Variants in PKD1L3 observed in about 807,000 individuals in gnomAD.
The protein encoded by PKD1L3 is polycystin-1-like protein 3.
In PKD1L3, 239 loss-of-function variants were observed where a neutral mutation model predicts 184.1. That is an observed-to-expected ratio of 1.30 (90% CI 1.17 to 1.45). The LOEUF (loss-of-function observed/expected upper bound fraction) is 1.45, where lower values mean the gene tolerates loss of function less well. PKD1L3 is among the 40% of genes most tolerant of loss of function. PKD1L3 has a pLI of 0.00. For missense variants in PKD1L3, 2,660 were observed against 2,067.2 expected (o/e 1.29, Z -5.56); for synonymous variants, 996 against 778.8 (o/e 1.28, Z -4.64).
rs1419961406 is a variant in PKD1L3, at chr16:71,986,486, T to C, written c.586-17A>G. 10 of 1,542,908 alleles carry C rather than the reference T, an allele frequency of 6.5e-6. No homozygotes were observed. The highest frequency in any genetic ancestry group is 1.4e-5 in the African/African-American group (1 of 72,600). On this transcript the variant is annotated splice_polypyrimidine_tract_variant and intron_variant, in intron 4 of 29. Coordinates refer to ENST00000620267, the MANE Select transcript of PKD1L3 (RefSeq NM_181536.2). ...GGTCTTGGACTAAAAGATAAAAATATGTAAAGGAAAAGACTGAATCTGATT... is the reference window on the plus strand; with the variant it reads ...GGTCTTGGACTAAAAGATAAAAATACGTAAAGGAAAAGACTGAATCTGATT...
At position 71,935,447 on chromosome 16, in the gene PKD1L3, G is replaced by T. The variant is rs1033237628; in HGVS notation, c.4524C>A (p.Ile1508=). The T allele has an allele frequency of 2.6e-6, 4 of 1,551,922 alleles. No individual in the cohort carries two copies. The African/African-American group carries it at 5.5e-5, about 21-fold the overall frequency. Residue 1508 remains isoleucine, a synonymous_variant, in exon 26 of 30, where the codon ATC becomes ATA. Coordinates refer to ENST00000620267, the MANE Select transcript of PKD1L3 (RefSeq NM_181536.2). ...GCCCCAGGAGGATGAAGCTAATGAG[G>T]ATTATACTTGTGTCCAGAATGTTTC... is the stretch of plus-strand genomic sequence containing the variant. ...GKRNILDTSI[I]LISFILLGLD...
At chr16:71,934,782 G>C (rs976639974) in intron 26 of PKD1L3, among the ~76,000 whole-genome samples, 1 of 152,192 alleles carries the variant, frequency 6.6e-6, no homozygotes, top group Admixed American at 6.5e-5. Flanking sequence ...TTGAAACAAT[G>C]CCTCAGGAAA....
rs1194129356 is a variant in PKD1L3 at position 71,999,900 on chromosome 16, C to G, written c.79G>C (p.Ala27Pro). ...IILGSELNSPAPHGQNNCYQL... is the reference protein window; with the variant it reads ...IILGSELNSPPPHGQNNCYQL... The stretch of plus-strand genomic sequence containing the variant: ...TAACAATTATTTTGCCCATGTGGTG[C>G]TGGGCTGTTTAGCTCACTTCCTAGA... Residue 27 changes from alanine (A) to proline (P), a missense_variant, in exon 1 of 30, where the codon GCA becomes CCA. Ala to Pro is a conservative substitution (Grantham distance 27). Coordinates refer to ENST00000620267, the MANE Select transcript of PKD1L3 (RefSeq NM_181536.2). 15 of 1,551,564 alleles carry G rather than the reference C, an allele frequency of 9.7e-6. No homozygotes were observed. The highest frequency in any genetic ancestry group is 1.3e-5 in the Non-Finnish European group (15 of 1,146,924).
chr16:71,999,930 T>C lies in PKD1L3; in HGVS notation c.49A>G (p.Ile17Val). The change falls in exon 1 of 30, where the codon ATT becomes GTT. Residue 17 changes from isoleucine (I) to valine (V), a missense_variant. Transcript: ENST00000620267. ...SWLWLYIRTS[I>V]ILGSELNSPA... ...CTGTTTAGCTCACTTCCTAGAATAATACTTGTTCTGATGTATAACCAAAGC... is the reference window on the plus strand; with the variant it reads ...CTGTTTAGCTCACTTCCTAGAATAACACTTGTTCTGATGTATAACCAAAGC... 1.3e-6 allele frequency: 2 copies of C among 1,548,832 alleles called. No individual in the cohort carries two copies. The highest frequency in any genetic ancestry group is 1.7e-6 in the Non-Finnish European group (2 of 1,144,624).
rs59684427 is a variant in PKD1L3 at position 71,944,736 on chromosome 16, G to A, written c.3719-566C>T. Among the ~76,000 whole-genome samples the A allele has an allele frequency of 3.8e-3, 322 of 85,382 alleles. 9 individuals are homozygous for A. Among genetic ancestry groups the A allele is most frequent in the African/African-American group, 0.011 (281 of 24,598 alleles). 56.0% of individuals were successfully genotyped at this position (85,382 alleles called of 152,430 possible). A position where few individuals can be genotyped will look rare whatever the true frequency, so the allele number is the denominator to read the frequency against. Reference sequence around the variant, plus strand: ...TTTTTTTGAGACGGAGTCTCACTTCGTTGTCGAGGCTGGAGTGCAATGCAT... The same window carrying A: ...TTTTTTTGAGACGGAGTCTCACTTCATTGTCGAGGCTGGAGTGCAATGCAT... On this transcript the variant is annotated intron_variant, in intron 22 of 29. Coordinates refer to ENST00000620267, the MANE Select transcript of PKD1L3 (RefSeq NM_181536.2).
At chr16:71,989,370 C>G (rs550219105) in intron 4 of PKD1L3, among the ~76,000 whole-genome samples, 1 of 152,252 alleles carries the variant, frequency 6.6e-6, no homozygotes, top group African/African-American at 2.4e-5. Flanking sequence ...CCAGGCTGGT[C>G]TCGAACTCCC....
rs1014915576 is a variant in PKD1L3, at chr16:71,963,354, A to G, written c.2466-3T>C. The G allele has an allele frequency of 3.2e-6, 5 of 1,545,284 alleles. No individual in the cohort carries two copies. Among genetic ancestry groups the G allele is most frequent in the Non-Finnish European group, 4.4e-6 (5 of 1,143,760 alleles). ...AGACAATTACCTGGCTGACATACCT[A>G]TAGTAAAATGAAGATAACCACATTA... On this transcript the variant is annotated splice_polypyrimidine_tract_variant and splice_region_variant and intron_variant, in intron 15 of 29. Coordinates refer to ENST00000620267, the MANE Select transcript of PKD1L3 (RefSeq NM_181536.2).
chr16:71,936,228 A>G (rs1443371099), intron 25 of PKD1L3, among the ~76,000 whole-genome samples: 3 of 146,230 alleles, frequency 2.1e-5, no homozygotes, highest in Non-Finnish European at 3.0e-5. Flanking sequence ...TTTTTGAGAC[A>G]GAGTTTCACT....
chr16:71,986,776 G>A (rs990591395), intron 4 of PKD1L3, among the ~76,000 whole-genome samples: 5 of 152,076 alleles, frequency 3.3e-5, no homozygotes, highest in African/African-American at 9.7e-5. Flanking sequence ...AAGTTCCTGC[G>A]CTTGTCGAGC....
intron 3 of PKD1L3, among the ~76,000 whole-genome samples, chr16:71,990,801 G>A (rs760690592): frequency 3.3e-5 from 5 of 151,604 alleles, no homozygotes; most frequent in South Asian, 2.1e-4. Flanking sequence ...ATGATCACTC[G>A]AGGACCTGGG....
At chr16:71,931,463 C>CTT (rs11405919) in intron 28 of PKD1L3, among the ~76,000 whole-genome samples, 1,648 of 115,826 alleles carry the variant, frequency 0.014, 32 homozygotes, top group South Asian at 0.045. Context: ...TTCTCCCCCA[C>CTT]TTTTTTTTTT....
intron 16 of PKD1L3, among the ~76,000 whole-genome samples, chr16:71,958,150 G>A (rs968560125): frequency 4.6e-5 from 7 of 151,992 alleles, no homozygotes; most frequent in Non-Finnish European, 7.4e-5. Context: ...CACTTTGGGA[G>A]GCCGAGGCGG....
chr16:71,948,065 T>C (rs898895080), intron 21 of PKD1L3, among the ~76,000 whole-genome samples: 7 of 151,954 alleles, frequency 4.6e-5, no homozygotes, highest in Non-Finnish European at 1.5e-5. Flanking sequence ...TACAGGTGCA[T>C]ACCACACCCA....
At chr16:71,995,135 G>A (rs1416937209) in intron 2 of PKD1L3, among the ~76,000 whole-genome samples, 1 of 152,150 alleles carries the variant, frequency 6.6e-6, no homozygotes, top group African/African-American at 2.4e-5. Flanking sequence ...CCAAGAAGAA[G>A]GCACTGGCAC....
chr16:71,998,745 C>T (rs974353702), intron 1 of PKD1L3, among the ~76,000 whole-genome samples: 6 of 152,152 alleles, frequency 3.9e-5, no homozygotes, highest in Non-Finnish European at 8.8e-5. Context: ...GCCACCACAC[C>T]CACCCTGCCA....
intron 22 of PKD1L3, among the ~76,000 whole-genome samples, chr16:71,945,394 ATATATTTATTTATTTATTTATT>A (rs1379626808): frequency 2.8e-4 from 28 of 98,792 alleles, no homozygotes; most frequent in Admixed American, 5.9e-4. Context: ...ATATATATAT[ATATATTTATTTATTTATTTATT>A]TATTTATTTA....
Position 71,939,660 on chromosome 16 carries a change from G to C in PKD1L3, c.4325-2241C>G, listed in dbSNP as rs976470117. 3.3e-5 allele frequency among the ~76,000 whole-genome samples: 5 copies of C among 152,134 alleles called. No homozygotes were observed. In the South Asian group the frequency reaches 1.0e-3, roughly 31 times the overall value. On this transcript the variant is annotated intron_variant, in intron 24 of 29. Transcript: ENST00000620267. ...TGCTTCATTAGAAACAAGCATAAGA[G>C]AAGTGGTCTACTCTCTGCAGGTCTG...
chr16:71,949,903 C>G lies in PKD1L3; in HGVS notation c.3498G>C (p.Leu1166=). 2 of 1,551,658 alleles carry G rather than the reference C, an allele frequency of 1.3e-6. No individual in the cohort carries two copies. The highest frequency in any genetic ancestry group is 4.9e-5 in the East Asian group (2 of 40,926). The change falls in exon 21 of 30, where the codon CTG becomes CTC. Residue 1166 remains leucine, a synonymous_variant. Coordinates refer to ENST00000620267, the MANE Select transcript of PKD1L3 (RefSeq NM_181536.2). ...AAAGTGCTGTAAAAAAGGCTGAAGCCAGGCTAGTGAAACCTAAGAGGAGCC... is the reference window on the plus strand; with the variant it reads ...AAAGTGCTGTAAAAAAGGCTGAAGCGAGGCTAGTGAAACCTAAGAGGAGCC... The part of the protein sequence containing the change: ...VCWLLLGFTS[L]ASAFFTALYS...
rs2038902469 is a variant in PKD1L3 at position 71,952,974 on chromosome 16, G to A, written c.2929C>T (p.Leu977=). ...LFPLIEPQET[L]PLFPPIQASC... Reference sequence around the variant, plus strand: ...GCCTGGATGGGAGGAAAGAGGGGCAGAGTCTCCTGTGGCTCAATCAACGGG... The same window carrying A: ...GCCTGGATGGGAGGAAAGAGGGGCAAAGTCTCCTGTGGCTCAATCAACGGG... The change falls in exon 18 of 30, where the codon CTG becomes TTG. Residue 977 remains leucine, a synonymous_variant. Transcript: ENST00000620267. 2 of 1,550,158 alleles carry A rather than the reference G, an allele frequency of 1.3e-6. No individual in the cohort carries two copies. Among genetic ancestry groups the A allele is most frequent in the Admixed American group, 3.9e-5 (2 of 50,744 alleles).
Sources: gnomAD v4.1 joint callset for allele counts (sites outside exome capture counted in the v4.1 genomes callset) on GRCh38, gnomAD v4.1.1 for gene constraint, MANE v1.5 for transcripts, NCBI Gene and HGNC (gene_info 2026-07-23, HGNC 2026-07-21) for gene names.